The following CACNA2D3 variants were observed in gnomAD, a reference collection of about 807,000 sequenced individuals.
CACNA2D3 encodes voltage-dependent calcium channel subunit alpha-2/delta-3.
Under a neutral mutation model 160.6 loss-of-function variants are expected in CACNA2D3, and 60 were observed. That is an observed-to-expected ratio of 0.37 (90% CI 0.30 to 0.46). The LOEUF (loss-of-function observed/expected upper bound fraction) is 0.46, where lower values mean the gene tolerates loss of function less well. CACNA2D3 is among the 20% of genes least tolerant of loss of function. CACNA2D3 has a pLI of 1.00. For synonymous variants in CACNA2D3, 558 were observed against 492.9 expected (o/e 1.13, Z -1.75); for missense variants, 1,205 against 1,365.0 (o/e 0.88, Z 1.85).
chr3:54,286,260 G>A (rs2107470005), intron 2 of CACNA2D3, among the ~76,000 whole-genome samples: 1 of 152,316 alleles, frequency 6.6e-6, no homozygotes, highest in African/African-American at 2.4e-5. Flanking sequence ...GAAAGCCAAG[G>A]CTCGAGAACT....
chr3:54,858,390 G>A (rs1346489721), intron 17 of CACNA2D3, among the ~76,000 whole-genome samples: 1 of 152,104 alleles, frequency 6.6e-6, no homozygotes, highest in African/African-American at 2.4e-5. Flanking sequence ...CCATCTCACC[G>A]GGGGTAGGAA....
chr3:54,464,916 C>G (rs1014159614), intron 4 of CACNA2D3, among the ~76,000 whole-genome samples: 1 of 152,036 alleles, frequency 6.6e-6, no homozygotes, highest in Non-Finnish European at 1.5e-5. Context: ...TGGCCATCTT[C>G]TCCTTAAATA....
At chr3:54,750,936 A>AT (rs548813337) in intron 11 of CACNA2D3, among the ~76,000 whole-genome samples, 2,252 of 151,826 alleles carry the variant, frequency 0.015, 23 homozygotes, top group Non-Finnish European at 0.025. Context: ...TGCACAGCTA[A>AT]TTTTTTTGTA....
In CACNA2D3 at chr3:54,930,678, T is replaced by C. The variant is rs139383270; in HGVS notation, c.2449+30810T>C. Reference sequence around the variant, plus strand: ...CTAAAGTTCTATGGTCCTGGGAAAATCCCAGGCTCTCTGAGCATCAGCATT... The same window carrying C: ...CTAAAGTTCTATGGTCCTGGGAAAACCCCAGGCTCTCTGAGCATCAGCATT... On this transcript the variant is annotated intron_variant, in intron 27 of 37. Coordinates refer to ENST00000474759, the MANE Select transcript of CACNA2D3 (RefSeq NM_018398.3). Among the ~76,000 whole-genome samples, 1,170 of 152,274 alleles carry C rather than the reference T, an allele frequency of 7.7e-3. 13 individuals carry two copies. The highest frequency in any genetic ancestry group is 0.027 in the African/African-American group (1,113 of 41,554).
intron 5 of CACNA2D3, among the ~76,000 whole-genome samples, chr3:54,534,298 T>C (rs1163542337): frequency 6.6e-6 from 1 of 152,206 alleles, no homozygotes; most frequent in Non-Finnish European, 1.5e-5. Context: ...AATTGACAAA[T>C]AATAATTGTG....
chr3:54,428,700 G>A (rs1182052991), intron 4 of CACNA2D3, among the ~76,000 whole-genome samples: 1 of 151,736 alleles, frequency 6.6e-6, no homozygotes, highest in Non-Finnish European at 1.5e-5. Flanking sequence ...ACAAATTAAA[G>A]AGGGTAACAA....
chr3:54,402,528 A>G (rs1177378825), intron 4 of CACNA2D3, among the ~76,000 whole-genome samples: 1 of 152,204 alleles, frequency 6.6e-6, no homozygotes, highest in African/African-American at 2.4e-5. Flanking sequence ...TGAAACTGTC[A>G]CAAAAGACAA....
rs905322796 is a variant in CACNA2D3 at position 54,571,264 on chromosome 3, G to C, written c.888+1160G>C. ...AAGCCTTCACGTCCTAGGCTTCAGA[G>C]AGAATAGGTTGTAAAATATTTCTTA... is the stretch of plus-strand genomic sequence containing the variant. On this transcript the variant is annotated intron_variant, in intron 8 of 37. Coordinates refer to ENST00000474759, the MANE Select transcript of CACNA2D3 (RefSeq NM_018398.3). Among the ~76,000 whole-genome samples, 6 of 152,296 alleles carry C rather than the reference G, an allele frequency of 3.9e-5. No homozygotes were observed. In the South Asian group the frequency reaches 1.2e-3, roughly 32 times the overall value.
intron 2 of CACNA2D3, among the ~76,000 whole-genome samples, chr3:54,221,326 T>G (rs1334915647): frequency 6.6e-6 from 1 of 152,246 alleles, no homozygotes; most frequent in Non-Finnish European, 1.5e-5. Flanking sequence ...TTATTTAGTT[T>G]CCATTTGAGA....
intron 27 of CACNA2D3, among the ~76,000 whole-genome samples, chr3:54,955,359 G>A (rs559003149): frequency 1.3e-5 from 2 of 152,086 alleles, no homozygotes; most frequent in Admixed American, 1.3e-4. Context: ...GTCTGGGCTG[G>A]TGATGACTCC....
intron 2 of CACNA2D3, among the ~76,000 whole-genome samples, chr3:54,153,961 G>T (rs745459920): frequency 3.9e-5 from 6 of 152,166 alleles, no homozygotes; most frequent in Non-Finnish European, 7.4e-5. Context: ...ACTCCCTGAA[G>T]AATTAGAGTC....
At chr3:54,201,761 T>C (rs567359514) in intron 2 of CACNA2D3, among the ~76,000 whole-genome samples, 73 of 152,346 alleles carry the variant, frequency 4.8e-4, no homozygotes, top group African/African-American at 1.7e-3. Context: ...AAAAATTGAA[T>C]TGACAACAGA....
intron 2 of CACNA2D3, among the ~76,000 whole-genome samples, chr3:54,285,911 C>T (rs1395474242): frequency 6.6e-6 from 1 of 152,164 alleles, no homozygotes; most frequent in African/African-American, 2.4e-5. Context: ...AGGACATCCA[C>T]ACCAAAAACC....
At chr3:54,816,552 G>C (rs1703461258) in intron 13 of CACNA2D3, among the ~76,000 whole-genome samples, 1 of 152,184 alleles carries the variant, frequency 6.6e-6, no homozygotes, top group African/African-American at 2.4e-5. Context: ...CGGATCACTG[G>C]GCAGAAGAGC....
intron 29 of CACNA2D3, among the ~76,000 whole-genome samples, chr3:54,971,611 T>G (rs1702277308): frequency 6.6e-6 from 1 of 152,162 alleles, no homozygotes; most frequent in Non-Finnish European, 1.5e-5. Flanking sequence ...AACAATTTTA[T>G]AACTAAAGCC....
At chr3:54,869,776 C>T (rs752904836) in intron 17 of CACNA2D3, among the ~76,000 whole-genome samples, 2 of 152,202 alleles carry the variant, frequency 1.3e-5, no homozygotes, top group African/African-American at 4.8e-5. Flanking sequence ...CGGTTGACCT[C>T]GTTGCTGTTC....
chr3:54,703,139 A>T (rs1415897123), intron 11 of CACNA2D3, among the ~76,000 whole-genome samples: 3 of 152,188 alleles, frequency 2.0e-5, no homozygotes, highest in Admixed American at 6.5e-5. Flanking sequence ...TGTGCTCACT[A>T]CTTGGGTAAT....
At chr3:54,184,767 TG>T (rs1156994717) in intron 2 of CACNA2D3, among the ~76,000 whole-genome samples, 1 of 152,232 alleles carries the variant, frequency 6.6e-6, no homozygotes, top group African/African-American at 2.4e-5. Flanking sequence ...GAGTAGTTAA[TG>T]TGGGTGAAAT....
chr3:54,999,911 CTTTG>C (rs1272852654), intron 31 of CACNA2D3, among the ~76,000 whole-genome samples: 2 of 152,294 alleles, frequency 1.3e-5, no homozygotes, highest in East Asian at 3.9e-4. Flanking sequence ...GGCTACCAGG[CTTTG>C]TTTGTATTGC....
Sources: gnomAD v4.1 joint callset for allele counts (sites outside exome capture counted in the v4.1 genomes callset) on GRCh38, gnomAD v4.1.1 for gene constraint, MANE v1.5 for transcripts, NCBI Gene and HGNC (gene_info 2026-07-23, HGNC 2026-07-21) for gene names.